NALF1: variants seen among roughly 807,000 people sequenced by gnomAD.
The protein encoded by NALF1 is family with sequence similarity 155 member A.
NALF1 carries 3 observed loss-of-function variants against 48.4 expected under a neutral mutation model. That is an observed-to-expected ratio of 0.06 (90% CI 0.03 to 0.16). NALF1 has a LOEUF of 0.16. Among genes scored for constraint, NALF1 ranks in the 10% least tolerant of loss-of-function variants. NALF1 has a pLI of 1.00. For synonymous variants in NALF1, 262 were observed against 245.7 expected, an observed-to-expected ratio of 1.07 and a Z score of -0.62; for missense variants, 526 against 571.5, an observed-to-expected ratio of 0.92 and a Z score of 0.81.
chr13:107,355,967 A>G (rs1273666443), intron 1 of NALF1, among the ~76,000 whole-genome samples: 1 of 152,150 alleles, frequency 6.6e-6, no homozygotes, highest in African/African-American at 2.4e-5. Context: ...GGCCCCTAAA[A>G]AATTCAAAAG....
At chr13:107,518,204 G>T in intron 1 of NALF1, among the ~76,000 whole-genome samples, 1 of 152,052 alleles carries the variant, frequency 6.6e-6, no homozygotes, top group East Asian at 1.9e-4. Context: ...TAAGGAATTC[G>T]GTACTGGCAC....
intron 1 of NALF1, among the ~76,000 whole-genome samples, chr13:107,463,397 G>T (rs1373184267): frequency 6.6e-6 from 1 of 152,178 alleles, no homozygotes; most frequent in Non-Finnish European, 1.5e-5. Flanking sequence ...TAAGTAAATT[G>T]CCAATATCTG....
chr13:107,210,513 A>G, intron 2 of NALF1, 71 bp downstream of exon 2: 1 of 1,098,970 alleles, frequency 9.1e-7, no homozygotes, highest in Non-Finnish European at 1.4e-6. Flanking sequence ...GAAACAGCAA[A>G]GCAAACAAAC....
At chr13:107,813,142 T>C (rs904731279) in intron 1 of NALF1, among the ~76,000 whole-genome samples, 1 of 152,190 alleles carries the variant, frequency 6.6e-6, no homozygotes, top group Non-Finnish European at 1.5e-5. Context: ...ATATTCACTA[T>C]GAAATAGGCT....
intron 1 of NALF1, among the ~76,000 whole-genome samples, chr13:107,823,863 C>A (rs993247015): frequency 6.6e-6 from 1 of 151,986 alleles, no homozygotes; most frequent in African/African-American, 2.4e-5. Flanking sequence ...CTGCACAATG[C>A]GGATAATAGT....
In NALF1 at chr13:107,780,325, T is replaced by C. The variant is rs185391541; in HGVS notation, c.915+85357A>G. On this transcript the variant is annotated intron_variant, in intron 1 of 2. Coordinates refer to ENST00000375915, the MANE Select transcript of NALF1 (RefSeq NM_001080396.3). ...ACTCAGGTTCTCCACTTTTTCACAG[T>C]TTTTGCTTGCGTTCAACACTGACAT... Among the ~76,000 whole-genome samples the C allele has an allele frequency of 4.1e-3, 628 of 152,184 alleles. 11 individuals carry two copies. Among genetic ancestry groups the C allele is most frequent in the African/African-American group, 0.014 (598 of 41,514 alleles).
chr13:107,808,811 A>T (rs1243207785), intron 1 of NALF1, among the ~76,000 whole-genome samples: 1 of 152,120 alleles, frequency 6.6e-6, no homozygotes, highest in African/African-American at 2.4e-5. Flanking sequence ...AATATTACAC[A>T]TAACTGGGAG....
At chr13:107,433,132 G>T (rs1424024898) in intron 1 of NALF1, among the ~76,000 whole-genome samples, 1 of 152,070 alleles carries the variant, frequency 6.6e-6, no homozygotes, top group Non-Finnish European at 1.5e-5. Context: ...CTTTAAGGAG[G>T]CATCTTATCA....
At chr13:107,184,709 C>T (rs1261169976) in intron 2 of NALF1, among the ~76,000 whole-genome samples, 1 of 152,178 alleles carries the variant, frequency 6.6e-6, no homozygotes, top group Non-Finnish European at 1.5e-5. Context: ...GTATTGAGAG[C>T]TGATGCTATC....
intron 1 of NALF1, among the ~76,000 whole-genome samples, chr13:107,716,255 G>A (rs1875814302): frequency 6.6e-6 from 1 of 152,172 alleles, no homozygotes; most frequent in African/African-American, 2.4e-5. Context: ...CTTTGCATTT[G>A]GAAAAGAGAA....
At chr13:107,494,797 T>G (rs960737031) in intron 1 of NALF1, among the ~76,000 whole-genome samples, 1 of 152,182 alleles carries the variant, frequency 6.6e-6, no homozygotes, top group Non-Finnish European at 1.5e-5. Context: ...TGATTTTTAA[T>G]GACAGATAGA....
At chr13:107,761,924 G>C (rs967734938) in intron 1 of NALF1, among the ~76,000 whole-genome samples, 5 of 152,120 alleles carry the variant, frequency 3.3e-5, no homozygotes, top group South Asian at 4.1e-4. Context: ...TTAATATAAG[G>C]ATTTAAATAT....
intron 1 of NALF1, among the ~76,000 whole-genome samples, chr13:107,491,912 T>C (rs1875138917): frequency 6.6e-6 from 1 of 151,858 alleles, no homozygotes; most frequent in Non-Finnish European, 1.5e-5. Flanking sequence ...AATGATAATA[T>C]CATTCAAATT....
At chr13:107,762,690 C>T (rs971123269) in intron 1 of NALF1, among the ~76,000 whole-genome samples, 5 of 152,052 alleles carry the variant, frequency 3.3e-5, no homozygotes, top group Admixed American at 1.3e-4. Context: ...CATACAGAGT[C>T]GTTGTTCAGT....
Position 107,840,096 on chromosome 13 carries a change from T to C in NALF1, c.915+25586A>G, listed in dbSNP as rs537933510. Among the ~76,000 whole-genome samples, 10 of 152,328 alleles carry C rather than the reference T, an allele frequency of 6.6e-5. 1 individual carries two copies. In the South Asian group the frequency reaches 1.7e-3, roughly 25 times the overall value. On this transcript the variant is annotated intron_variant, in intron 1 of 2. Coordinates refer to ENST00000375915, the MANE Select transcript of NALF1 (RefSeq NM_001080396.3). ...AAACCCTTTAGCAATGCCACTGCGA[T>C]ATGTATTTCCAGTCATTTCTTCACG... is the stretch of plus-strand genomic sequence containing the variant.
At chr13:107,623,974 C>T (rs1012411016) in intron 1 of NALF1, among the ~76,000 whole-genome samples, 3 of 152,090 alleles carry the variant, frequency 2.0e-5, no homozygotes, top group African/African-American at 7.2e-5. Flanking sequence ...AAAACATAAC[C>T]TGACTGAAGC....
chr13:107,569,388 C>T (rs762172615), intron 1 of NALF1, among the ~76,000 whole-genome samples: 1 of 152,090 alleles, frequency 6.6e-6, no homozygotes, highest in African/African-American at 2.4e-5. Context: ...AGGAGAATGA[C>T]GTGAACCCGG....
intron 1 of NALF1, among the ~76,000 whole-genome samples, chr13:107,530,767 G>A (rs747425282): frequency 5.9e-5 from 9 of 152,010 alleles, no homozygotes; most frequent in Non-Finnish European, 8.8e-5. Flanking sequence ...CAGAGCTGAG[G>A]CTAATCATTT....
intron 1 of NALF1, among the ~76,000 whole-genome samples, chr13:107,359,520 T>C (rs1446589685): frequency 6.6e-6 from 1 of 152,162 alleles, no homozygotes; most frequent in Non-Finnish European, 1.5e-5. Context: ...TAAAGAAATA[T>C]TAATATTCTG....
Sources: gnomAD v4.1 joint callset for allele counts (sites outside exome capture counted in the v4.1 genomes callset) on GRCh38, gnomAD v4.1.1 for gene constraint, MANE v1.5 for transcripts, NCBI Gene and HGNC (gene_info 2026-07-23, HGNC 2026-07-21) for gene names.